Variants in CALD1 observed in about 807,000 individuals in gnomAD.
CALD1 encodes the protein caldesmon.
A neutral mutation model predicts 99.9 loss-of-function variants in CALD1; 33 were observed. That is an observed-to-expected ratio of 0.33 (90% CI 0.25 to 0.44). The LOEUF is 0.44. CALD1 is among the 20% of genes least tolerant of loss of function. The pLI is 1.00. For missense variants in CALD1, 861 were observed against 962.1 expected, an observed-to-expected ratio of 0.89 and a Z score of 1.39; for synonymous variants, 310 against 325.0, an observed-to-expected ratio of 0.95 and a Z score of 0.50.
intron 1 of CALD1, among the ~76,000 whole-genome samples, chr7:134,750,452 A>G (rs941083084): frequency 1.3e-5 from 2 of 152,176 alleles, no homozygotes; most frequent in African/African-American, 4.8e-5. Context: ...GTAGAACCAT[A>G]TATTACCGAT....
intron 6 of CALD1, among the ~76,000 whole-genome samples, 170 bp from the exon 7 acceptor site, chr7:134,940,922 C>T (rs530750408): frequency 2.0e-5 from 3 of 152,272 alleles, no homozygotes; most frequent in Non-Finnish European, 4.4e-5. Context: ...GCTAAAGGAC[C>T]ATAGCTCATT....
At chr7:134,764,542 ATTAG>A (rs1300606614) in intron 1 of CALD1, among the ~76,000 whole-genome samples, 1 of 152,030 alleles carries the variant, frequency 6.6e-6, no homozygotes, top group African/African-American at 2.4e-5. Flanking sequence ...TCATTGATTA[ATTAG>A]TTATTCATTA....
chr7:134,758,043 C>G (rs1021623882), intron 1 of CALD1, among the ~76,000 whole-genome samples: 1 of 152,192 alleles, frequency 6.6e-6, no homozygotes, highest in African/African-American at 2.4e-5. Flanking sequence ...CAGCTGAGCA[C>G]AGGGACTCTG....
chr7:134,954,821 C>A (rs1486502597), intron 9 of CALD1, among the ~76,000 whole-genome samples: 2 of 152,222 alleles, frequency 1.3e-5, no homozygotes, highest in African/African-American at 2.4e-5. Context: ...AATCTTTGTA[C>A]ATGTGCTTGC....
intron 2 of CALD1, among the ~76,000 whole-genome samples, chr7:134,865,120 G>C (rs1040135614): frequency 2.6e-5 from 4 of 152,026 alleles, no homozygotes; most frequent in Middle Eastern, 3.2e-3. Flanking sequence ...CTGAGTAGGG[G>C]TAGGGCAGGA....
chr7:134,880,601 A>C, intron 3 of CALD1, among the ~76,000 whole-genome samples: 1 of 152,064 alleles, frequency 6.6e-6, no homozygotes, highest in Non-Finnish European at 1.5e-5. Flanking sequence ...TCTCTCATCA[A>C]AACTGTTGTG....
chr7:134,884,481 G>T (rs1801757468), intron 3 of CALD1, among the ~76,000 whole-genome samples: 1 of 152,086 alleles, frequency 6.6e-6, no homozygotes, highest in Admixed American at 6.5e-5. Context: ...AGTTCTCCAG[G>T]CACTGAAGAT....
Position 134,901,409 on chromosome 7 carries a change from C to T in CALD1, c.72-27345C>T, listed in dbSNP as rs1159584925. Among the ~76,000 whole-genome samples, 6 of 152,004 alleles carry T rather than the reference C, an allele frequency of 3.9e-5. No individual in the cohort carries two copies. The East Asian group carries it at 1.2e-3, about 29-fold the overall frequency. ...TGGCTAGCACAGTGCCTGGTGCTTA[C>T]TCAGTGCTCAAGGGGTGGGAATGGG... On this transcript the variant is annotated intron_variant, in intron 3 of 14. Transcript: ENST00000361675.
chr7:134,727,487 C>T, the CALD1 span, among the ~76,000 whole-genome samples: 3 of 152,256 alleles, frequency 2.0e-5, no homozygotes, highest in Admixed American at 2.0e-4. Flanking sequence ...TAGACAGGAG[C>T]TCTGCCAGGC....
chr7:134,915,376 C>G (rs1178428827), intron 3 of CALD1, among the ~76,000 whole-genome samples: 2 of 151,720 alleles, frequency 1.3e-5, no homozygotes, highest in African/African-American at 4.8e-5. Flanking sequence ...GAAATATGAA[C>G]TTTTTTTTTA....
At chr7:134,905,897 G>A (rs757192170) in intron 3 of CALD1, among the ~76,000 whole-genome samples, 6 of 149,888 alleles carry the variant, frequency 4.0e-5, no homozygotes, top group East Asian at 2.0e-4. Context: ...AAAGAAACTC[G>A]GCATAATTTT....
At chr7:134,772,272 T>C (rs2131633557) in intron 1 of CALD1, among the ~76,000 whole-genome samples, 1 of 152,080 alleles carries the variant, frequency 6.6e-6, no homozygotes, top group South Asian at 2.1e-4. Context: ...TTTTTAGACT[T>C]TTTGTAGAGA....
At chr7:134,757,930 T>A (rs1796743575) in intron 1 of CALD1, among the ~76,000 whole-genome samples, 1 of 151,856 alleles carries the variant, frequency 6.6e-6, no homozygotes, top group South Asian at 2.1e-4. Context: ...TCAGAATGGC[T>A]CTACAGGAGG....
intron 2 of CALD1, among the ~76,000 whole-genome samples, chr7:134,852,541 C>T (rs1453862996): frequency 6.6e-6 from 1 of 152,154 alleles, no homozygotes; most frequent in Non-Finnish European, 1.5e-5. Context: ...TTTCCCAGCA[C>T]ATTTATTCCC....
rs144097072 is a variant in CALD1 at position 134,865,281 on chromosome 7, A to C, written c.-41-2412A>C. 6.6e-5 allele frequency among the ~76,000 whole-genome samples: 10 copies of C among 152,100 alleles called. No individual in the cohort carries two copies. In the East Asian group the frequency reaches 1.2e-3, roughly 18 times the overall value. On this transcript the variant is annotated intron_variant, in intron 2 of 14. Coordinates refer to ENST00000361675, the MANE Select transcript of CALD1 (RefSeq NM_033138.4). ...TATAAGGGTGCAGGGATGAAGGAGG[A>C]TCTCCAGCCCCATCCTGGGTTGATA...
rs1031051992 is a variant in CALD1, at chr7:134,867,716, T to C, written c.-18T>C. The C allele has an allele frequency of 1.1e-5, 17 of 1,579,302 alleles. No individual in the cohort carries two copies. In the African/African-American group the frequency reaches 2.2e-4, roughly 20 times the overall value. On this transcript the variant is annotated 5_prime_UTR_variant, in exon 3 of 15. Transcript: ENST00000361675. The stretch of plus-strand genomic sequence containing the variant: ...AGGTCCAGACATCATCTGGTCTCCC[T>C]GAACCTGAAATCACACCATGGATGA...
chr7:134,965,446 T>C (rs1242712260), intron 14 of CALD1, 60 bp downstream of exon 14: 7 of 843,622 alleles, frequency 8.3e-6, no homozygotes, highest in Non-Finnish European at 1.5e-5. Context: ...TGGTGTAGTA[T>C]AATGTCCTGG....
intron 1 of CALD1, among the ~76,000 whole-genome samples, chr7:134,795,984 T>C (rs1183145505): frequency 1.3e-5 from 2 of 152,224 alleles, no homozygotes; most frequent in Admixed American, 6.5e-5. Context: ...TTTTGTTTTT[T>C]ACTTTTTTAA....
chr7:134,879,624 A>C (rs1324096509), intron 3 of CALD1, among the ~76,000 whole-genome samples: 2 of 152,222 alleles, frequency 1.3e-5, no homozygotes, highest in African/African-American at 4.8e-5. Flanking sequence ...GAACAGCTTA[A>C]TTTGTTAATT....
Sources: allele counts gnomAD v4.1 joint callset (sites outside exome capture counted in the v4.1 genomes callset), GRCh38; gene constraint gnomAD v4.1.1; transcripts MANE v1.5; gene names NCBI Gene and HGNC (gene_info 2026-07-23, HGNC 2026-07-21).